The following NHP2 variants were observed in gnomAD, a reference collection of about 807,000 sequenced individuals.
NHP2 encodes the protein H/ACA ribonucleoprotein complex subunit 2.
NHP2 carries 10 observed loss-of-function variants against 16.7 expected under a neutral mutation model. The ratio of observed to expected loss-of-function variants is 0.60; its 90% CI spans 0.37 to 1.01. NHP2 has a LOEUF of 1.01. Among genes scored for constraint, NHP2 ranks in the 50% least tolerant of loss-of-function variants. The probability of loss-of-function intolerance (pLI) is 0.01; values close to 1 mark genes in which losing one functional copy is unlikely to be tolerated. For missense variants in NHP2, 184 were observed against 198.3 expected (o/e 0.93, Z 0.43); for synonymous variants, 87 against 78.9 (o/e 1.10, Z -0.54).
rs543057099 is a variant in NHP2, at chr5:178,153,526, T to C, written c.195A>G (p.Lys65=). ...CTTTGTTGACAAATTTCTGAACCTCTTTCACCCCGCGCCGAATCTGCTTCT... is the reference window on the plus strand; with the variant it reads ...CTTTGTTGACAAATTTCTGAACCTCCTTCACCCCGCGCCGAATCTGCTTCT... The part of the protein sequence containing the change: ...VKQKQIRRGV[K]EVQKFVNKGE... Residue 65 remains lysine, a synonymous_variant, in exon 2 of 4, where the codon AAA becomes AAG. Transcript: ENST00000274606. 1.4e-5 allele frequency: 22 copies of C among 1,614,200 alleles called. No homozygotes were observed. In the East Asian group the frequency reaches 2.5e-4, roughly 18 times the overall value.
chr5:178,150,793 C>T, intron 3 of NHP2, 95 bp downstream of exon 3: 1 of 854,002 alleles, frequency 1.2e-6, no homozygotes, highest in Non-Finnish European at 2.1e-6. Flanking sequence ...GTCTTAGCTC[C>T]AACACTCCTG....
chr5:178,152,133 C>A (rs1184748006), intron 2 of NHP2, among the ~76,000 whole-genome samples: 1 of 152,184 alleles, frequency 6.6e-6, no homozygotes, highest in South Asian at 2.1e-4. Flanking sequence ...ACTACCTGAA[C>A]TTTCCCAAAC....
intron 3 of NHP2, 66 bp from the exon 4 acceptor site, chr5:178,149,904 A>G (rs1756220721): frequency 1.3e-6 from 2 of 1,571,086 alleles, no homozygotes; most frequent in African/African-American, 1.3e-5. Flanking sequence ...GAAGTCACCA[A>G]CTGATGACCC....
chr5:178,151,362 C>A (rs1231244591), intron 2 of NHP2, among the ~76,000 whole-genome samples: 2 of 152,114 alleles, frequency 1.3e-5, no homozygotes, highest in African/African-American at 4.8e-5. Context: ...CAGACACAGC[C>A]GAGAGACTGG....
Position 178,153,538 on chromosome 5 carries a change from C to T in NHP2, c.183G>A (p.Arg61=), listed in dbSNP as rs748205189. ...IKKAVKQKQI[R]RGVKEVQKFV... ...ATTTCTGAACCTCTTTCACCCCGCGCCGAATCTGCTTCTGCTTCACCGCTG... is the reference window on the plus strand; with the variant it reads ...ATTTCTGAACCTCTTTCACCCCGCGTCGAATCTGCTTCTGCTTCACCGCTG... Residue 61 remains arginine, a synonymous_variant, in exon 2 of 4, where the codon CGG becomes CGA. Coordinates refer to ENST00000274606, the MANE Select transcript of NHP2 (RefSeq NM_017838.4). 1 of 1,614,198 alleles carries T rather than the reference C, an allele frequency of 6.2e-7. No homozygotes were observed.
chr5:178,150,737 AG>A, intron 3 of NHP2, 150 bp downstream of exon 3: 1 of 770,080 alleles, frequency 1.3e-6, no homozygotes, highest in Non-Finnish European at 2.4e-6. Context: ...ACATATCTGT[AG>A]TCCCAAAACT....
At chr5:178,153,113 T>C in intron 2 of NHP2, 1 of 347,462 alleles carries the variant, frequency 2.9e-6, no homozygotes, top group South Asian at 2.5e-5. Flanking sequence ...TAACGTTCAG[T>C]TCCTTAAATA....
chr5:178,153,348 A>C lies in NHP2; in HGVS notation c.230+143T>G. Reference sequence around the variant, plus strand: ...ACCGGTATTGTCGTACCGGTATTGTACCAAAGGGACTTTACCGACTGCTTG... The same window carrying C: ...ACCGGTATTGTCGTACCGGTATTGTCCCAAAGGGACTTTACCGACTGCTTG... On this transcript the variant is annotated intron_variant, in intron 2 of 3. Transcript: ENST00000274606. The C allele has an allele frequency of 8.7e-6, 7 of 800,850 alleles. No homozygotes were observed. The South Asian group carries it at 9.8e-5, about 11-fold the overall frequency. The allele number at this position is 800,850 out of a possible 1,614,324, so 49.6% of individuals were successfully genotyped here. A position where few individuals can be genotyped will look rare whatever the true frequency, so the allele number is the denominator to read the frequency against.
intron 2 of NHP2, chr5:178,153,267 T>C (rs1581137796): frequency 4.8e-6 from 3 of 624,048 alleles, no homozygotes; most frequent in African/African-American, 1.8e-5. Context: ...CTAAGGGACT[T>C]TGCTTACACA....
chr5:178,149,502 G>C lies in NHP2; in HGVS notation c.*211C>G, dbSNP rs1756203591. The C allele has an allele frequency of 1.7e-6, 1 of 576,696 alleles. No individual in the cohort carries two copies. Among genetic ancestry groups the C allele is most frequent in the South Asian group, 2.0e-5 (1 of 49,280 alleles). The allele number at this position is 576,696 out of a possible 1,614,324, so 35.7% of individuals were successfully genotyped here. ...TTTACTTTCCCCACCCCACATTCTT[G>C]GAACAGCCTTTAGTTCTACAGGAAA... On this transcript the variant is annotated 3_prime_UTR_variant, in exon 4 of 4. Transcript: ENST00000274606.
At chr5:178,149,925 T>C in intron 3 of NHP2, 87 bp from the exon 4 acceptor site, 1 of 1,446,344 alleles carries the variant, frequency 6.9e-7, no homozygotes, top group Non-Finnish European at 9.6e-7. Flanking sequence ...ACCAGCCTAA[T>C]CTGGCCCACA....
chr5:178,150,418 A>G (rs1436434923), intron 3 of NHP2: 1 of 316,860 alleles, frequency 3.2e-6, no homozygotes, highest in Admixed American at 4.3e-5. Context: ...TCACTCTGTC[A>G]TGCAGTCTGG....
Position 178,150,900 on chromosome 5 carries a change from G to A in NHP2, c.324C>T (p.Ile108=), listed in dbSNP as rs146308308. ...CEDRNLPYVY[I]PSKTDLGAAA... is the part of the protein sequence containing the mutation. ...ACGTGCTCCTTACCGTCTTAGAGGG[G>A]ATATAGACATAGGGCAAATTTCGGT... Residue 108 remains isoleucine (I), a synonymous_variant, in exon 3 of 4, where the codon ATC becomes ATT. Transcript: ENST00000274606. The A allele has an allele frequency of 1.1e-5, 18 of 1,611,768 alleles. No homozygotes were observed. The highest frequency in any genetic ancestry group is 1.7e-5 in the Admixed American group (1 of 59,986).
chr5:178,150,790 C>A, intron 3 of NHP2, 98 bp downstream of exon 3: 1 of 838,414 alleles, frequency 1.2e-6, no homozygotes, highest in South Asian at 1.3e-5. Flanking sequence ...CCTGTCTTAG[C>A]TCCAACACTC....
intron 2 of NHP2, 138 bp downstream of exon 2, chr5:178,153,353 A>C: frequency 1.2e-6 from 1 of 822,486 alleles, no homozygotes; most frequent in Non-Finnish European, 2.1e-6. Context: ...ATTGTACCAA[A>C]GGGACTTTAC....
At chr5:178,151,669 C>A (rs1367775380) in intron 2 of NHP2, among the ~76,000 whole-genome samples, 1 of 152,180 alleles carries the variant, frequency 6.6e-6, no homozygotes, top group East Asian at 1.9e-4. Flanking sequence ...GCGCCTTTCA[C>A]TGTGAGTGTT....
intron 1 of NHP2, 23 bp downstream of exon 1, chr5:178,153,635 G>A (rs540437375): frequency 3.7e-6 from 6 of 1,611,984 alleles, no homozygotes; most frequent in East Asian, 4.5e-5. Flanking sequence ...CACCCATCCC[G>A]GCCACGCCGC....
At chr5:178,150,653 G>C in intron 3 of NHP2, 1 of 675,166 alleles carries the variant, frequency 1.5e-6, no homozygotes, top group Non-Finnish European at 2.7e-6. Context: ...AAAGCACTAG[G>C]ATTACAGGTG....
chr5:178,151,188 G>T (rs1756269672), intron 2 of NHP2, among the ~76,000 whole-genome samples, 195 bp from the exon 3 acceptor site: 1 of 152,192 alleles, frequency 6.6e-6, no homozygotes, highest in Admixed American at 6.5e-5. Flanking sequence ...TGAAGTACAG[G>T]ATGGGTGCCA....
Sources: gnomAD v4.1 joint callset for allele counts (sites outside exome capture counted in the v4.1 genomes callset) on GRCh38, gnomAD v4.1.1 for gene constraint, MANE v1.5 for transcripts, NCBI Gene and HGNC (gene_info 2026-07-23, HGNC 2026-07-21) for gene names.